The following KCTD1 variants were observed in gnomAD, a reference collection of about 807,000 sequenced individuals.
KCTD1 encodes potassium channel tetramerization domain containing 1, also known as BTB/POZ domain-containing protein KCTD1.
KCTD1 carries 24 observed loss-of-function variants against 66.0 expected under a neutral mutation model. The observed-to-expected ratio is 0.36, with a 90% confidence interval of 0.26 to 0.51. The LOEUF is 0.51. KCTD1 is among the 20% of genes least tolerant of loss of function. The pLI is 0.95. For synonymous variants in KCTD1, 511 were observed against 517.2 expected, an observed-to-expected ratio of 0.99 and a Z score of 0.16; for missense variants, 943 against 1,205.2, an observed-to-expected ratio of 0.78 and a Z score of 3.22.
intron 1 of KCTD1, chr18:26,599,553 T>C (rs902251868): frequency 6.6e-7 from 1 of 1,510,092 alleles, no homozygotes; most frequent in African/African-American, 1.4e-5. Context: ...ATGAACCAGC[T>C]GTTGCAGTCT....
At chr18:26,573,252 G>C (rs1314929857) in intron 1 of KCTD1, among the ~76,000 whole-genome samples, 3 of 152,068 alleles carry the variant, frequency 2.0e-5, no homozygotes, top group Non-Finnish European at 2.9e-5. Context: ...GCCAGAGGCT[G>C]GGGGGAGGGG....
chr18:26,622,182 A>G (rs1366046654), intron 1 of KCTD1, among the ~76,000 whole-genome samples: 6 of 152,216 alleles, frequency 3.9e-5, no homozygotes, highest in African/African-American at 1.4e-4. Context: ...TCACAGAAGT[A>G]AGAAAAAAAA....
At chr18:26,623,061 T>A (rs1036749016) in intron 1 of KCTD1, among the ~76,000 whole-genome samples, 13 of 151,008 alleles carry the variant, frequency 8.6e-5, no homozygotes, top group Middle Eastern at 3.2e-3. Flanking sequence ...TTTTCATTTT[T>A]AATGTCTGGT....
At chr18:26,598,087 C>G (rs1018994079) in intron 1 of KCTD1, among the ~76,000 whole-genome samples, 1 of 152,132 alleles carries the variant, frequency 6.6e-6, no homozygotes, top group African/African-American at 2.4e-5. Context: ...CAACTCCTAG[C>G]AACCACTAAT....
intron 2 of KCTD1, among the ~76,000 whole-genome samples, chr18:26,492,092 A>G (rs993636978): frequency 1.3e-5 from 2 of 152,230 alleles, no homozygotes; most frequent in Non-Finnish European, 2.9e-5. Context: ...AACATAAAAA[A>G]TTAGCCAGGT....
chr18:26,558,108 CGT>C (rs1567993603), intron 1 of KCTD1, among the ~76,000 whole-genome samples: 2 of 152,194 alleles, frequency 1.3e-5, no homozygotes, highest in East Asian at 1.9e-4. Flanking sequence ...ATGGAACTTG[CGT>C]GTGTTTCCAA....
intron 1 of KCTD1, among the ~76,000 whole-genome samples, chr18:26,535,120 T>G (rs62087057): frequency 0.63 from 78,811 of 124,878 alleles, 25,697 homozygotes; most frequent in East Asian, 0.79. Flanking sequence ...GGGGTGGGGG[T>G]GGAGCTGCCA....
intron 1 of KCTD1, among the ~76,000 whole-genome samples, chr18:26,626,802 C>A (rs1987512126): frequency 6.6e-6 from 1 of 152,080 alleles, no homozygotes; most frequent in Non-Finnish European, 1.5e-5. Flanking sequence ...AGAAACAAGA[C>A]CTATCCATGG....
intron 1 of KCTD1, among the ~76,000 whole-genome samples, chr18:26,560,200 T>C (rs969418968): frequency 5.3e-5 from 8 of 151,018 alleles, no homozygotes; most frequent in Non-Finnish European, 1.2e-4. Flanking sequence ...GTATTTAATA[T>C]AGGTTACATG....
chr18:26,603,867 C>T (rs932929682), intron 1 of KCTD1, among the ~76,000 whole-genome samples: 5 of 151,914 alleles, frequency 3.3e-5, no homozygotes, highest in South Asian at 2.1e-4. Flanking sequence ...CTGAAAAAGA[C>T]GTCAAAAGTA....
At chr18:26,656,059 G>C (rs942641382) in intron 1 of KCTD1, among the ~76,000 whole-genome samples, 4 of 152,068 alleles carry the variant, frequency 2.6e-5, no homozygotes, top group African/African-American at 7.2e-5. Flanking sequence ...CGGCAGTTGG[G>C]GGGGCGGAGG....
At chr18:26,523,542 TC>T (rs1341984054) in intron 1 of KCTD1, among the ~76,000 whole-genome samples, 1 of 152,142 alleles carries the variant, frequency 6.6e-6, no homozygotes, top group South Asian at 2.1e-4. Context: ...TTCCAGCTAC[TC>T]AGGAGGCTGA....
At chr18:26,593,351 GGAGGAGGAAGAGGA>G (rs1986660438) in intron 1 of KCTD1, among the ~76,000 whole-genome samples, 1 of 43,926 alleles carries the variant, frequency 2.3e-5, no homozygotes, top group Non-Finnish European at 5.9e-5. Flanking sequence ...AGGAAGAGGA[GGAGGAGGAAGAGGA>G]GGAGGAGGAA....
upstream of KCTD1, chr18:26,549,346 C>G (rs1342408920): frequency 5.3e-5 from 52 of 985,382 alleles, no homozygotes; most frequent in Non-Finnish European, 5.9e-5. Flanking sequence ...CAGCCACATC[C>G]CTTTCGACTT....
At chr18:26,572,114 C>T (rs1171824960) in intron 1 of KCTD1, among the ~76,000 whole-genome samples, 1 of 150,658 alleles carries the variant, frequency 6.6e-6, no homozygotes, top group Non-Finnish European at 1.5e-5. Flanking sequence ...GGCTGGAGTG[C>T]AGTGGCTCAA....
chr18:26,638,948 G>T (rs73944684), intron 1 of KCTD1, among the ~76,000 whole-genome samples: 7,845 of 152,008 alleles, frequency 0.052, 370 homozygotes, highest in African/African-American at 0.13. Context: ...TTCCTTCTTT[G>T]CCTCTCCATC....
chr18:26,543,338 T>C (rs963999441), intron 1 of KCTD1: 23 of 152,252 alleles, frequency 1.5e-4, no homozygotes, highest in Admixed American at 1.4e-3. Context: ...TATACTCCTT[T>C]CATGTTTATA....
chr18:26,593,785 AGATAAG>A, intron 1 of KCTD1, among the ~76,000 whole-genome samples: 1 of 131,610 alleles, frequency 7.6e-6, no homozygotes, highest in Non-Finnish European at 1.6e-5. Flanking sequence ...GGGAGGAGGA[AGATAAG>A]GAGGAGGAGG....
intron 1 of KCTD1, among the ~76,000 whole-genome samples, chr18:26,624,384 G>T (rs1942424): frequency 0.91 from 138,170 of 152,240 alleles, 62,809 homozygotes; most frequent in Middle Eastern, 0.97. Flanking sequence ...AAAATGGTTT[G>T]GTGGGCAAGA....
Sources: gnomAD v4.1 joint callset for allele counts (sites outside exome capture counted in the v4.1 genomes callset) on GRCh38, gnomAD v4.1.1 for gene constraint, MANE v1.5 for transcripts, NCBI Gene and HGNC (gene_info 2026-07-23, HGNC 2026-07-21) for gene names.